KCNH1: variants seen among roughly 807,000 people sequenced by gnomAD.
The protein encoded by KCNH1 is voltage-gated delayed rectifier potassium channel KCNH1.
KCNH1 carries 27 observed loss-of-function variants against 69.2 expected under a neutral mutation model. The ratio of observed to expected loss-of-function variants is 0.39; its 90% CI spans 0.29 to 0.54. The LOEUF (loss-of-function observed/expected upper bound fraction) is 0.54, where lower values mean the gene tolerates loss of function less well. Ranked by LOEUF, KCNH1 falls within the 20% of genes least tolerant of loss-of-function variation. The probability of loss-of-function intolerance (pLI) is 0.68; values close to 1 mark genes in which losing one functional copy is unlikely to be tolerated. For missense variants in KCNH1, 798 were observed against 1,261.6 expected (o/e 0.63, Z 5.57); for synonymous variants, 456 against 487.7 (o/e 0.93, Z 0.86).
intron 6 of KCNH1, among the ~76,000 whole-genome samples, chr1:211,008,882 T>C (rs938382665): frequency 1.3e-5 from 2 of 152,228 alleles, no homozygotes; most frequent in African/African-American, 4.8e-5. Flanking sequence ...ACAAAGCCTA[T>C]ATCAGATTAT....
intron 6 of KCNH1, among the ~76,000 whole-genome samples, chr1:210,969,911 T>C (rs1366011748): frequency 1.3e-5 from 2 of 152,124 alleles, no homozygotes; most frequent in African/African-American, 4.8e-5. Context: ...TTGTTTTTGT[T>C]TTTGAGACAG....
intron 5 of KCNH1, among the ~76,000 whole-genome samples, chr1:211,033,565 C>A (rs1250316411): frequency 6.6e-6 from 1 of 152,080 alleles, no homozygotes; most frequent in Non-Finnish European, 1.5e-5. Context: ...ACATATACAC[C>A]ACGGAATACT....
intron 7 of KCNH1, among the ~76,000 whole-genome samples, chr1:210,825,878 T>C (rs1021424070): frequency 2.6e-5 from 4 of 152,204 alleles, no homozygotes; most frequent in African/African-American, 9.6e-5. Flanking sequence ...TGTATCATTG[T>C]TTAATTATGA....
At chr1:211,097,093 A>G (rs1691171234) in intron 3 of KCNH1, among the ~76,000 whole-genome samples, 1 of 152,228 alleles carries the variant, frequency 6.6e-6, no homozygotes, top group African/African-American at 2.4e-5. Flanking sequence ...TTCCTAGAGA[A>G]GAAGACAGAA....
chr1:210,798,531 G>A (rs1684368383), intron 8 of KCNH1, among the ~76,000 whole-genome samples: 1 of 152,228 alleles, frequency 6.6e-6, no homozygotes, highest in Non-Finnish European at 1.5e-5. Context: ...GGTGTAATAA[G>A]CCTTGGGTTT....
At chr1:210,739,406 G>A (rs1682962922) in intron 10 of KCNH1, among the ~76,000 whole-genome samples, 1 of 152,172 alleles carries the variant, frequency 6.6e-6, no homozygotes, top group African/African-American at 2.4e-5. Context: ...ATAGCTTCTG[G>A]AGTTAGGGAG....
At chr1:210,992,348 A>G (rs995479933) in intron 6 of KCNH1, among the ~76,000 whole-genome samples, 2 of 152,188 alleles carry the variant, frequency 1.3e-5, no homozygotes, top group African/African-American at 2.4e-5. Context: ...CTATCTGCCA[A>G]TCTCTGGTTA....
intron 4 of KCNH1, among the ~76,000 whole-genome samples, chr1:211,084,534 A>C (rs1690917969): frequency 1.3e-5 from 2 of 152,246 alleles, no homozygotes; most frequent in Admixed American, 1.3e-4. Context: ...ATTTCCCTAG[A>C]CTCAGGATAG....
intron 10 of KCNH1, among the ~76,000 whole-genome samples, chr1:210,726,024 A>G (rs578195882): frequency 1.3e-5 from 2 of 152,312 alleles, no homozygotes; most frequent in South Asian, 4.2e-4. Flanking sequence ...TCATATTCAC[A>G]TTCCCAGAGT....
intron 1 of KCNH1, among the ~76,000 whole-genome samples, chr1:211,110,465 G>A (rs1041784631): frequency 6.6e-6 from 1 of 152,084 alleles, no homozygotes; most frequent in African/African-American, 2.4e-5. Flanking sequence ...GGTATGGCAG[G>A]AAAGGGAATT....
At chr1:210,739,455 A>G (rs1468053277) in intron 10 of KCNH1, among the ~76,000 whole-genome samples, 4 of 152,200 alleles carry the variant, frequency 2.6e-5, no homozygotes, top group Non-Finnish European at 5.9e-5. Context: ...ACTAGACTGC[A>G]TGGTTTGCTT....
chr1:210,946,603 A>G (rs758068807), intron 6 of KCNH1, among the ~76,000 whole-genome samples: 2 of 152,112 alleles, frequency 1.3e-5, no homozygotes, highest in African/African-American at 4.8e-5. Context: ...AGGGAAAAAC[A>G]TGGCCCAAAT....
intron 8 of KCNH1, among the ~76,000 whole-genome samples, chr1:210,798,898 T>G (rs1004065853): frequency 2.0e-5 from 3 of 152,210 alleles, no homozygotes; most frequent in Admixed American, 1.3e-4. Context: ...CAGGCATTGC[T>G]AAACACTTTA....
intron 10 of KCNH1, among the ~76,000 whole-genome samples, chr1:210,761,244 T>C (rs1288133519): frequency 5.0e-5 from 3 of 59,474 alleles, no homozygotes; most frequent in South Asian, 8.4e-4. Context: ...AGAGCGAGAC[T>C]CCGTCAAAAA....
chr1:210,826,329 T>C (rs1462298619), intron 7 of KCNH1, among the ~76,000 whole-genome samples: 3 of 152,178 alleles, frequency 2.0e-5, no homozygotes, highest in Non-Finnish European at 1.5e-5. Flanking sequence ...TGAGGAGCTA[T>C]CTACACCCGT....
chr1:210,940,661 G>T (rs143810089), intron 6 of KCNH1, among the ~76,000 whole-genome samples: 9 of 152,324 alleles, frequency 5.9e-5, no homozygotes, highest in Middle Eastern at 3.4e-3. Flanking sequence ...GTATTCAGTT[G>T]TGATAATTTA....
At chr1:211,059,884 C>T (rs1249783965) in intron 5 of KCNH1, among the ~76,000 whole-genome samples, 3 of 152,092 alleles carry the variant, frequency 2.0e-5, no homozygotes, top group African/African-American at 7.2e-5. Flanking sequence ...ACACTACAGA[C>T]CTAACAAATG....
intron 5 of KCNH1, among the ~76,000 whole-genome samples, chr1:211,075,991 T>C (rs1269462708): frequency 6.6e-6 from 1 of 152,092 alleles, no homozygotes; most frequent in Non-Finnish European, 1.5e-5. Flanking sequence ...AGCACAGCAG[T>C]CTGAGATTGA....
chr1:210,704,763 TA>T (rs1348160185), intron 10 of KCNH1, among the ~76,000 whole-genome samples: 4 of 152,228 alleles, frequency 2.6e-5, no homozygotes, highest in Non-Finnish European at 5.9e-5. Flanking sequence ...CATCTAACAG[TA>T]AATTTATAAA....
Sources: gnomAD v4.1 joint callset for allele counts (sites outside exome capture counted in the v4.1 genomes callset) on GRCh38, gnomAD v4.1.1 for gene constraint, MANE v1.5 for transcripts, NCBI Gene and HGNC (gene_info 2026-07-23, HGNC 2026-07-21) for gene names.